Variants in OPCML observed in about 807,000 individuals in gnomAD.
The protein encoded by OPCML is opioid binding protein/cell adhesion molecule like.
Under a neutral mutation model 37.8 loss-of-function variants are expected in OPCML, and 13 were observed. That is an observed-to-expected ratio of 0.34 (90% CI 0.22 to 0.55). The LOEUF (loss-of-function observed/expected upper bound fraction) is 0.55. Among genes scored for constraint, OPCML ranks in the 20% least tolerant of loss-of-function variants. OPCML has a pLI of 0.91. For synonymous variants in OPCML, 176 were observed against 168.8 expected, an observed-to-expected ratio of 1.04 and a Z score of -0.33; for missense variants, 341 against 435.6, an observed-to-expected ratio of 0.78 and a Z score of 1.93.
rs374016624 is a variant in OPCML, at chr11:132,900,796, T to C, written c.146+42130A>G. On this transcript the variant is annotated intron_variant, in intron 2 of 7. Transcript: ENST00000524381. ...AGCCTGCTCTGGCATTTTTAACTAG[T>C]CCAAATCTTCCTCTCAAATTGGCAA... Among the ~76,000 whole-genome samples, 11 of 152,138 alleles carry C rather than the reference T, an allele frequency of 7.2e-5. No individual in the cohort carries two copies. In the East Asian group the frequency reaches 9.7e-4, roughly 13 times the overall value.
At position 132,965,238 on chromosome 11, in the gene OPCML, T is replaced by TTC. The variant is rs972832805; in HGVS notation, c.62-22230_62-22229dup. On this transcript the variant is annotated intron_variant, in intron 1 of 7. Coordinates refer to ENST00000524381, the MANE Select transcript of OPCML (RefSeq NM_001012393.5). ...ACCGAAGTGTTCCCACTTCTTCCAT[T>TTC]TCTCTCTCTCTCTCTTTTTTGGGGG... 4.0e-5 allele frequency among the ~76,000 whole-genome samples: 6 copies of TTC among 151,658 alleles called. No homozygotes were observed. The South Asian group carries it at 6.2e-4, about 16-fold the overall frequency.
chr11:132,440,348 TA>T (rs924787087), intron 4 of OPCML, among the ~76,000 whole-genome samples: 45 of 151,832 alleles, frequency 3.0e-4, no homozygotes, highest in Middle Eastern at 6.9e-3. Flanking sequence ...TTTTTTTTTT[TA>T]AATATAGATT....
intron 2 of OPCML, among the ~76,000 whole-genome samples, chr11:132,908,729 G>A (rs78637884): frequency 0.011 from 1,671 of 152,304 alleles, 33 homozygotes; most frequent in African/African-American, 0.038. Flanking sequence ...AAGACATAGC[G>A]CATTGATTTG....
At chr11:132,972,756 G>A (rs1946371805) in intron 1 of OPCML, among the ~76,000 whole-genome samples, 1 of 152,180 alleles carries the variant, frequency 6.6e-6, no homozygotes, top group African/African-American at 2.4e-5. Context: ...ACAGAACTGG[G>A]AACAGGCCCT....
intron 1 of OPCML, among the ~76,000 whole-genome samples, chr11:133,198,914 C>T (rs1174148362): frequency 6.6e-6 from 1 of 152,162 alleles, no homozygotes; most frequent in East Asian, 1.9e-4. Flanking sequence ...TCCCTAAATC[C>T]ATCTCTGTAT....
intron 1 of OPCML, chr11:133,423,551 T>G: frequency 1.1e-6 from 1 of 893,322 alleles, no homozygotes; most frequent in Non-Finnish European, 1.3e-6. Flanking sequence ...CAAAGGAATT[T>G]AATTCCTTGG....
At chr11:132,586,286 C>T (rs1047717922) in intron 3 of OPCML, among the ~76,000 whole-genome samples, 1 of 152,188 alleles carries the variant, frequency 6.6e-6, no homozygotes, top group African/African-American at 2.4e-5. Flanking sequence ...ATTTCTGAGA[C>T]TTAAAGAAAT....
At chr11:133,356,231 G>A (rs931243066) in intron 1 of OPCML, among the ~76,000 whole-genome samples, 2 of 151,982 alleles carry the variant, frequency 1.3e-5, no homozygotes, top group African/African-American at 4.8e-5. Flanking sequence ...ATAATCAGAG[G>A]GCTTTAAAGT....
At chr11:133,343,905 G>A (rs80156520) in intron 1 of OPCML, among the ~76,000 whole-genome samples, 6,782 of 152,140 alleles carry the variant, frequency 0.045, 408 homozygotes, top group African/African-American at 0.13. Flanking sequence ...TAAAAAAAGC[G>A]CTATAAATGC....
intron 1 of OPCML, among the ~76,000 whole-genome samples, chr11:133,192,917 T>C (rs1412102040): frequency 6.6e-6 from 1 of 151,950 alleles, no homozygotes; most frequent in Non-Finnish European, 1.5e-5. Context: ...GCATTTGAAT[T>C]GAGGTTAAAA....
rs1190391801 is a variant in OPCML, at chr11:133,206,366, T to C, written c.62-263356A>G. ...TTCTGTATCTACTACCACGTAGCAA[T>C]GAAACATTTAGGAAACTGCATAACT... On this transcript the variant is annotated intron_variant, in intron 1 of 7. Transcript: ENST00000524381. This position sits in a 1 kb window ranked among gnomAD's most constrained non-coding sequence, Gnocchi z 4.7. Among the ~76,000 whole-genome samples the C allele has an allele frequency of 6.6e-6, 1 of 152,166 alleles. No individual in the cohort carries two copies. The highest frequency in any genetic ancestry group is 1.5e-5 in the Non-Finnish European group (1 of 68,028).
chr11:132,432,650 A>G (rs1470361673), intron 7 of OPCML, among the ~76,000 whole-genome samples: 1 of 152,178 alleles, frequency 6.6e-6, no homozygotes, highest in Non-Finnish European at 1.5e-5. Context: ...TCACACATTC[A>G]TTCATTCCAC....
At chr11:133,460,353 A>C (rs892212655) in intron 1 of OPCML, among the ~76,000 whole-genome samples, 3 of 151,928 alleles carry the variant, frequency 2.0e-5, no homozygotes, top group African/African-American at 7.2e-5. Flanking sequence ...AGAAGGAATG[A>C]ATTAATAAAG....
At position 132,757,953 on chromosome 11, in the gene OPCML, T is replaced by C. The variant is rs548110660; in HGVS notation, c.147-100634A>G. On this transcript the variant is annotated intron_variant, in intron 2 of 7. Transcript: ENST00000524381. ...TTAGTTCTTACATTTGAGTCTTTAA[T>C]TCGTCTTGAGTTAATCTTTGTATAA... Among the ~76,000 whole-genome samples the C allele has an allele frequency of 1.0e-3, 155 of 152,368 alleles. 1 individual carries two copies. The highest frequency in any genetic ancestry group is 3.6e-3 in the African/African-American group (148 of 41,594).
intron 1 of OPCML, among the ~76,000 whole-genome samples, chr11:133,344,842 G>T (rs1480130071): frequency 6.6e-6 from 1 of 152,168 alleles, no homozygotes; most frequent in East Asian, 1.9e-4. Flanking sequence ...GACATGGTGT[G>T]TGTCCTCTTT....
intron 2 of OPCML, among the ~76,000 whole-genome samples, chr11:132,736,726 C>T (rs555605110): frequency 1.3e-5 from 2 of 152,078 alleles, no homozygotes; most frequent in South Asian, 4.2e-4. Flanking sequence ...TGGTCAATGC[C>T]AAATTACCAA....
intron 1 of OPCML, among the ~76,000 whole-genome samples, chr11:133,464,615 A>G (rs1251268641): frequency 1.3e-4 from 20 of 152,158 alleles, no homozygotes; most frequent in Admixed American, 1.2e-3. Context: ...ATCCTGTGAG[A>G]AGAAAGGCCC....
At chr11:133,234,513 A>G (rs1029338790) in intron 1 of OPCML, among the ~76,000 whole-genome samples, 1 of 152,206 alleles carries the variant, frequency 6.6e-6, no homozygotes, top group African/African-American at 2.4e-5. Context: ...CTTGCAGAGG[A>G]CTTTTCTTGG....
At chr11:132,916,446 G>A (rs766374321) in intron 2 of OPCML, among the ~76,000 whole-genome samples, 36 of 152,162 alleles carry the variant, frequency 2.4e-4, no homozygotes, top group Non-Finnish European at 4.3e-4. Flanking sequence ...AGGCATGGAC[G>A]TCACTGAATT....
Sources: gnomAD v4.1 joint callset for allele counts (sites outside exome capture counted in the v4.1 genomes callset) on GRCh38, gnomAD v4.1.1 for gene constraint, Gnocchi (gnomAD v3.1) non-coding constraint, MANE v1.5 for transcripts, NCBI Gene and HGNC (gene_info 2026-07-23, HGNC 2026-07-21) for gene names.